LRMDA: variants seen among roughly 807,000 people sequenced by gnomAD.
LRMDA encodes leucine-rich melanocyte differentiation-associated protein.
Under a neutral mutation model 29.8 loss-of-function variants are expected in LRMDA, and 18 were observed. The observed-to-expected ratio is 0.60, with a 90% CI of 0.42 to 0.90. The LOEUF (loss-of-function observed/expected upper bound fraction) is 0.90. Among genes scored for constraint, LRMDA ranks in the 40% least tolerant of loss-of-function variants. The pLI, the probability that LRMDA is intolerant of heterozygous loss-of-function variation, is 0.00. For missense variants in LRMDA, 273 were observed against 273.9 expected (o/e 1.00, Z 0.02); for synonymous variants, 125 against 109.4 (o/e 1.14, Z -0.89).
intron 2 of LRMDA, among the ~76,000 whole-genome samples, chr10:75,882,202 G>T (rs373275175): frequency 6.6e-6 from 1 of 152,214 alleles, no homozygotes; most frequent in African/African-American, 2.4e-5. Flanking sequence ...GGCGAGCAGG[G>T]TCAGTTAATG....
At chr10:76,340,198 A>G (rs1841022218) in intron 6 of LRMDA, among the ~76,000 whole-genome samples, 1 of 152,142 alleles carries the variant, frequency 6.6e-6, no homozygotes, top group Non-Finnish European at 1.5e-5. Flanking sequence ...GGGATTATAT[A>G]TAAGGATGAT....
intron 5 of LRMDA, among the ~76,000 whole-genome samples, chr10:76,298,988 A>G (rs899522237): frequency 2.0e-5 from 3 of 152,056 alleles, no homozygotes; most frequent in Admixed American, 6.5e-5. Context: ...ACCTTCTTCC[A>G]TTTTCTTGAT....
chr10:75,961,882 G>C (rs902522389), intron 2 of LRMDA, among the ~76,000 whole-genome samples: 2 of 152,144 alleles, frequency 1.3e-5, no homozygotes, highest in African/African-American at 4.8e-5. Context: ...GTGAAGGAGA[G>C]TCTGTTCCAG....
At chr10:75,792,508 C>A (rs1295491009) in intron 2 of LRMDA, among the ~76,000 whole-genome samples, 1 of 152,120 alleles carries the variant, frequency 6.6e-6, no homozygotes, top group Non-Finnish European at 1.5e-5. Flanking sequence ...CATGATCCAC[C>A]CATCTTGGCC....
chr10:75,540,264 C>A (rs1840000466), intron 2 of LRMDA, among the ~76,000 whole-genome samples: 1 of 152,122 alleles, frequency 6.6e-6, no homozygotes, highest in Non-Finnish European at 1.5e-5. Context: ...GTTTGGGAAC[C>A]TGGCAGAGGG....
chr10:76,094,874 A>G (rs1849290073), intron 5 of LRMDA, among the ~76,000 whole-genome samples: 1 of 152,184 alleles, frequency 6.6e-6, no homozygotes, highest in South Asian at 2.1e-4. Context: ...CTGGGAAGCC[A>G]CAGTCCATAT....
chr10:75,677,534 G>T (rs531734375), intron 2 of LRMDA, among the ~76,000 whole-genome samples: 16 of 152,220 alleles, frequency 1.1e-4, no homozygotes, highest in African/African-American at 3.6e-4. Flanking sequence ...GCATCGAGGA[G>T]ATACCTAAAA....
chr10:75,931,349 A>G (rs2132400463), intron 2 of LRMDA, among the ~76,000 whole-genome samples: 1 of 152,274 alleles, frequency 6.6e-6, no homozygotes, highest in East Asian at 1.9e-4. Context: ...ACATATAAAT[A>G]ACTGTTCATG....
chr10:76,432,854 C>T (rs1001451792), intron 6 of LRMDA, among the ~76,000 whole-genome samples: 41 of 152,148 alleles, frequency 2.7e-4, no homozygotes, highest in Admixed American at 2.0e-3. Flanking sequence ...ACCTCATTGC[C>T]CCCTCCCCAC....
chr10:75,597,264 T>C (rs1328215604), intron 2 of LRMDA, among the ~76,000 whole-genome samples: 2 of 152,228 alleles, frequency 1.3e-5, no homozygotes, highest in African/African-American at 4.8e-5. Context: ...AATACCTTGA[T>C]GTAACGTGAT....
chr10:76,327,050 T>C (rs1165595659), intron 6 of LRMDA, among the ~76,000 whole-genome samples: 1 of 151,572 alleles, frequency 6.6e-6, no homozygotes, highest in Non-Finnish European at 1.5e-5. Context: ...AAACTCCTCA[T>C]AAATGAAAAC....
At chr10:75,949,981 G>A (rs1319340317) in intron 2 of LRMDA, among the ~76,000 whole-genome samples, 2 of 152,200 alleles carry the variant, frequency 1.3e-5, no homozygotes, top group African/African-American at 4.8e-5. Context: ...GAGAACTCTA[G>A]GTCCTTCCAG....
chr10:76,337,219 A>G (rs1840980392), intron 6 of LRMDA, among the ~76,000 whole-genome samples: 2 of 152,216 alleles, frequency 1.3e-5, no homozygotes, highest in African/African-American at 4.8e-5. Context: ...TCAAAACATT[A>G]GAGATAGAGC....
At chr10:76,054,121 T>C (rs1246755852) in intron 4 of LRMDA, among the ~76,000 whole-genome samples, 1 of 152,214 alleles carries the variant, frequency 6.6e-6, no homozygotes, top group African/African-American at 2.4e-5. Context: ...AGCTGTTCCA[T>C]AATTATTGTT....
chr10:76,535,325 G>A (rs1257026948), intron 6 of LRMDA, among the ~76,000 whole-genome samples: 1 of 152,164 alleles, frequency 6.6e-6, no homozygotes, highest in Non-Finnish European at 1.5e-5. Flanking sequence ...GAAGAGGAAG[G>A]CAGAGGATGA....
At chr10:76,482,315 G>A (rs986675503) in intron 6 of LRMDA, among the ~76,000 whole-genome samples, 3 of 151,744 alleles carry the variant, frequency 2.0e-5, no homozygotes, top group South Asian at 2.1e-4. Context: ...TAAATTATTC[G>A]CACACTTAAA....
rs1482596812 is a variant in LRMDA, at chr10:75,740,601, T to C, written c.132-295407T>C. 2.6e-5 allele frequency among the ~76,000 whole-genome samples: 4 copies of C among 152,230 alleles called. No homozygotes were observed. In the East Asian group the frequency reaches 7.7e-4, roughly 29 times the overall value. The stretch of plus-strand genomic sequence containing the variant: ...CTTCCTAAGAAATTGGCATGAGCAC[T>C]CAGGCCCCCTTATCCCTACACAGAG... On this transcript the variant is annotated intron_variant, in intron 2 of 6. Coordinates refer to ENST00000611255, the MANE Select transcript of LRMDA (RefSeq NM_001305581.2).
intron 2 of LRMDA, among the ~76,000 whole-genome samples, chr10:75,567,747 C>A (rs1419415973): frequency 1.3e-5 from 2 of 152,138 alleles, no homozygotes; most frequent in Admixed American, 1.3e-4. Flanking sequence ...CTGGAAAGGG[C>A]AGTTGAATCA....
intron 2 of LRMDA, among the ~76,000 whole-genome samples, chr10:75,562,353 C>G (rs9415108): frequency 0.6 from 90,986 of 151,626 alleles, 30,924 homozygotes; most frequent in East Asian, 0.85. Flanking sequence ...AGGACTGCAA[C>G]CCCTGCCTTT....
Sources: allele counts gnomAD v4.1 joint callset (sites outside exome capture counted in the v4.1 genomes callset), GRCh38; gene constraint gnomAD v4.1.1; transcripts MANE v1.5; gene names NCBI Gene and HGNC (gene_info 2026-07-23, HGNC 2026-07-21).